Variants in DOCK8 observed in about 807,000 individuals in gnomAD.
The protein encoded by DOCK8 is dedicator of cytokinesis protein 8.
DOCK8 carries 141 observed loss-of-function variants against 245.6 expected under a neutral mutation model. That is an observed-to-expected ratio of 0.57 (90% CI 0.50 to 0.66). DOCK8 has a LOEUF of 0.66. Among genes scored for constraint, DOCK8 ranks in the 30% least tolerant of loss-of-function variants. The pLI, the probability that DOCK8 is intolerant of heterozygous loss-of-function variation, is 0.00. For synonymous variants in DOCK8, 1,168 were observed against 970.2 expected (o/e 1.20, Z -3.79); for missense variants, 2,965 against 2,603.4 (o/e 1.14, Z -3.02).
intron 12 of DOCK8, among the ~76,000 whole-genome samples, chr9:337,408 G>C (rs1419578852): frequency 6.6e-6 from 1 of 152,204 alleles, no homozygotes; most frequent in Non-Finnish European, 1.5e-5. Context: ...GTTAGGTTTT[G>C]TTCCTTGTGA....
At chr9:394,612 C>T (rs2054359539) in intron 24 of DOCK8, among the ~76,000 whole-genome samples, 1 of 152,196 alleles carries the variant, frequency 6.6e-6, no homozygotes, top group Non-Finnish European at 1.5e-5. Context: ...TGAATAAAAT[C>T]CCTGTGCTTC....
chr9:331,182 C>T (rs1209397807), intron 9 of DOCK8, among the ~76,000 whole-genome samples: 1 of 152,182 alleles, frequency 6.6e-6, no homozygotes, highest in African/African-American at 2.4e-5. Flanking sequence ...ACCTTATCTC[C>T]CAGCTGCTAC....
intron 18 of DOCK8, among the ~76,000 whole-genome samples, chr9:375,266 C>T (rs1196402165): frequency 6.6e-6 from 1 of 152,162 alleles, no homozygotes; most frequent in Non-Finnish European, 1.5e-5. Context: ...AGGCGAGGCC[C>T]TCACTCAACA....
intron 2 of DOCK8, among the ~76,000 whole-genome samples, chr9:276,379 A>G (rs775154447): frequency 6.6e-6 from 1 of 152,212 alleles, no homozygotes; most frequent in Non-Finnish European, 1.5e-5. Flanking sequence ...ATCAGATGAG[A>G]GGAAGGGTGT....
chr9:253,744 G>C (rs145303419), intron 1 of DOCK8, among the ~76,000 whole-genome samples: 220 of 152,302 alleles, frequency 1.4e-3, no homozygotes, highest in African/African-American at 5.1e-3. Context: ...TGCCATGATT[G>C]ATGGCTTCAT....
chr9:378,245 T>A (rs1172466673), intron 20 of DOCK8, among the ~76,000 whole-genome samples: 1 of 152,056 alleles, frequency 6.6e-6, no homozygotes, highest in East Asian at 1.9e-4. Flanking sequence ...GAGGTCCACA[T>A]AAAGAGATGG....
chr9:414,686 T>C, intron 28 of DOCK8, 96 bp from the exon 29 acceptor site: 1 of 1,481,548 alleles, frequency 6.7e-7, no homozygotes. Context: ...AGTCACCTCA[T>C]TGCTTAGGAG....
In DOCK8 at chr9:449,707, C is replaced by T. The variant is rs1468974168; in HGVS notation, c.5818-77C>T. On this transcript the variant is annotated intron_variant, in intron 44 of 47. Coordinates refer to ENST00000432829, the MANE Select transcript of DOCK8 (RefSeq NM_203447.4). Reference sequence around the variant, plus strand: ...CTGCCTCTTCAAATTCAGGTGGCCTCTCTGTCATAGCTCCAGGCTTGTCCA... The same window carrying T: ...CTGCCTCTTCAAATTCAGGTGGCCTTTCTGTCATAGCTCCAGGCTTGTCCA... 7 of 1,602,294 alleles carry T rather than the reference C, an allele frequency of 4.4e-6. No homozygotes were observed. In the African/African-American group the frequency reaches 5.4e-5, roughly 12 times the overall value.
At chr9:300,269 T>C (rs1273822315) in intron 4 of DOCK8, among the ~76,000 whole-genome samples, 1 of 152,218 alleles carries the variant, frequency 6.6e-6, no homozygotes, top group East Asian at 1.9e-4. Flanking sequence ...GCCAGAGTTA[T>C]AAACTTTGTA....
intron 6 of DOCK8, 149 bp downstream of exon 6, chr9:312,315 A>T: frequency 2.3e-6 from 2 of 874,842 alleles, no homozygotes; most frequent in Non-Finnish European, 3.7e-6. Context: ...CACTCAGGCA[A>T]GCCTGTGTGT....
intron 42 of DOCK8, among the ~76,000 whole-genome samples, chr9:442,849 C>G (rs1028871567): frequency 4.6e-5 from 7 of 151,280 alleles, no homozygotes; most frequent in African/African-American, 1.5e-4. Flanking sequence ...AAACTTAAAA[C>G]ATTTGTGTTG....
intron 45 of DOCK8, 100 bp from the exon 46 acceptor site, chr9:451,897 ATACATATACATATG>A (rs2057454528): frequency 4.6e-4 from 20 of 43,876 alleles, no homozygotes; most frequent in Admixed American, 3.1e-3. Context: ...ATATATGCAT[ATACATATACATATG>A]CATATACATA....
At chr9:284,161 C>G (rs6475996) in intron 2 of DOCK8, among the ~76,000 whole-genome samples, 59,456 of 151,878 alleles carry the variant, frequency 0.39, 12,174 homozygotes, top group African/African-American at 0.46. Context: ...GGTTGGGTGG[C>G]GTGGGAGAGT....
chr9:396,662 C>A, intron 24 of DOCK8, 123 bp from the exon 25 acceptor site: 2 of 1,361,864 alleles, frequency 1.5e-6, no homozygotes, highest in Non-Finnish European at 2.1e-6. Context: ...GCACCACCAG[C>A]ACAGATAAAG....
At chr9:337,079 G>A (rs73639055) in intron 12 of DOCK8, among the ~76,000 whole-genome samples, 5,153 of 152,032 alleles carry the variant, frequency 0.034, 294 homozygotes, top group African/African-American at 0.12. Flanking sequence ...CTCCCATGAT[G>A]CAGATTAATC....
At chr9:289,139 A>C (rs1468812414) in intron 3 of DOCK8, among the ~76,000 whole-genome samples, 5 of 152,172 alleles carry the variant, frequency 3.3e-5, no homozygotes, top group Non-Finnish European at 7.4e-5. Flanking sequence ...TTACACATGC[A>C]TAAAAAATAT....
At chr9:374,453 G>GTTTTTTT (rs762085208) in intron 18 of DOCK8, among the ~76,000 whole-genome samples, 7 of 75,348 alleles carry the variant, frequency 9.3e-5, no homozygotes, top group Non-Finnish European at 1.4e-4. Context: ...GTCCTTTTGT[G>GTTTTTTT]TTTTTTTTTT....
intron 37 of DOCK8, among the ~76,000 whole-genome samples, chr9:432,797 A>G (rs562098311): frequency 2.0e-4 from 30 of 152,288 alleles, no homozygotes; most frequent in African/African-American, 7.2e-4. Context: ...TAGGGATGGT[A>G]AAGGGACCAG....
chr9:359,589 A>T (rs1252919144), intron 14 of DOCK8, among the ~76,000 whole-genome samples: 1 of 152,198 alleles, frequency 6.6e-6, no homozygotes, highest in Admixed American at 6.5e-5. Context: ...TTCCTTCTGA[A>T]TCCTTGAATA....
Sources: allele counts gnomAD v4.1 joint callset (sites outside exome capture counted in the v4.1 genomes callset), GRCh38; gene constraint gnomAD v4.1.1; transcripts MANE v1.5; gene names NCBI Gene and HGNC (gene_info 2026-07-23, HGNC 2026-07-21).